Variants in SLC44A1 observed in about 807,000 individuals in gnomAD.
SLC44A1 encodes the protein choline transporter-like protein 1.
Under a neutral mutation model 79.3 loss-of-function variants are expected in SLC44A1, and 26 were observed. The observed-to-expected ratio is 0.33, with a 90% confidence interval of 0.24 to 0.46. SLC44A1 has a LOEUF of 0.46. SLC44A1 is among the 20% of genes least tolerant of loss of function. The pLI is 1.00. For synonymous variants in SLC44A1, 263 were observed against 286.2 expected (o/e 0.92, Z 0.82); for missense variants, 688 against 798.1 (o/e 0.86, Z 1.66).
rs1183313818 is a variant in SLC44A1, at chr9:105,356,219, A to C, written c.508A>C (p.Ile170Leu). 6.2e-7 allele frequency: 1 copy of C among 1,612,416 alleles called. No homozygotes were observed. The highest frequency in any genetic ancestry group is 8.5e-7 in the Non-Finnish European group (1 of 1,179,430). ...TTTTTCTTGTGTCACCAGTGCACCT[A>C]TTCCATTCTTCCATCGCTGTGCTCC... ...PKLPVPASAP[I>L]PFFHRCAPVN... Residue 170 changes from isoleucine (I) to leucine (L), a missense_variant, in exon 6 of 16, where the codon ATT becomes CTT. Physicochemically the swap from Ile to Leu is conservative, Grantham distance 5 (BLOSUM62 2). Transcript: ENST00000374720.
intron 6 of SLC44A1, 134 bp from the exon 7 acceptor site, chr9:105,358,210 C>T (rs1457762324): frequency 1.2e-5 from 7 of 578,584 alleles, no homozygotes; most frequent in Non-Finnish European, 2.1e-5. Context: ...CAGCTAGTTT[C>T]CTTCCTTATC....
intron 1 of SLC44A1, among the ~76,000 whole-genome samples, chr9:105,248,052 A>G (rs1829499774): frequency 6.6e-6 from 1 of 152,228 alleles, no homozygotes; most frequent in Admixed American, 6.5e-5. Context: ...TGGCTACAAC[A>G]TCTTAAAAGA....
intron 15 of SLC44A1, among the ~76,000 whole-genome samples, chr9:105,433,528 T>C (rs1388477961): frequency 6.6e-6 from 1 of 152,128 alleles, no homozygotes; most frequent in East Asian, 1.9e-4. Context: ...TTAAGACAGA[T>C]CTTAAGGGAG....
At position 105,350,169 on chromosome 9, in the gene SLC44A1, T is replaced by A. The variant is rs190423504; in HGVS notation, c.500+1718T>A. On this transcript the variant is annotated intron_variant, in intron 5 of 15. Transcript: ENST00000374720. ...GCTGTGTTTATGCTGTGTTTAAAGA[T>A]CCTTATGTTTTACTTATTTTAGTGC... Among the ~76,000 whole-genome samples, 42 of 152,322 alleles carry A rather than the reference T, an allele frequency of 2.8e-4. No homozygotes were observed. The East Asian group carries it at 7.3e-3, about 27-fold the overall frequency.
intron 1 of SLC44A1, among the ~76,000 whole-genome samples, chr9:105,283,091 A>T (rs1464714036): frequency 6.6e-6 from 1 of 152,046 alleles, no homozygotes; most frequent in African/African-American, 2.4e-5. Context: ...TGGACTTTGG[A>T]CCCAAATTGT....
chr9:105,368,200 T>C (rs745754949), intron 12 of SLC44A1, among the ~76,000 whole-genome samples: 82 of 103,818 alleles, frequency 7.9e-4, no homozygotes, highest in Non-Finnish European at 9.0e-4. Context: ...GATGTTGGTC[T>C]TTTTTTTTTT....
chr9:105,355,860 C>A (rs1456973958), intron 5 of SLC44A1: 12 of 195,666 alleles, frequency 6.1e-5, no homozygotes, highest in Admixed American at 1.2e-4. Flanking sequence ...GTCATCTGCC[C>A]CTTGACTGGT....
At chr9:105,434,467 G>A (rs545528728) in intron 15 of SLC44A1, among the ~76,000 whole-genome samples, 2 of 152,234 alleles carry the variant, frequency 1.3e-5, no homozygotes, top group Non-Finnish European at 2.9e-5. Flanking sequence ...AAGACTCTTA[G>A]AAAGTAGGGC....
intron 1 of SLC44A1, among the ~76,000 whole-genome samples, chr9:105,275,867 C>T (rs1299971803): frequency 2.0e-5 from 3 of 150,832 alleles, no homozygotes; most frequent in Non-Finnish European, 4.4e-5. Context: ...TGCAGTGGCG[C>T]GATCTCAGCT....
intron 13 of SLC44A1, among the ~76,000 whole-genome samples, chr9:105,376,847 A>G: frequency 6.6e-6 from 1 of 152,216 alleles, no homozygotes; most frequent in East Asian, 1.9e-4. Context: ...AAGGTGAGCT[A>G]CTAGTATTAT....
intron 1 of SLC44A1, among the ~76,000 whole-genome samples, chr9:105,245,952 A>C (rs772368138): frequency 1.3e-5 from 2 of 152,216 alleles, no homozygotes; most frequent in Non-Finnish European, 2.9e-5. Flanking sequence ...AATACTATAA[A>C]AAGCAATCAG....
intron 3 of SLC44A1, among the ~76,000 whole-genome samples, chr9:105,334,175 T>G (rs1826838022): frequency 6.6e-6 from 1 of 152,086 alleles, no homozygotes; most frequent in African/African-American, 2.4e-5. Context: ...GCTTTTTTTC[T>G]TTCCTTCTAT....
chr9:105,297,017 C>G (rs1830741087), intron 1 of SLC44A1, among the ~76,000 whole-genome samples: 1 of 152,148 alleles, frequency 6.6e-6, no homozygotes, highest in South Asian at 2.1e-4. Flanking sequence ...TCCTTCATCT[C>G]TTACGCCACA....
At chr9:105,437,431 A>G (rs998546938) in intron 15 of SLC44A1, among the ~76,000 whole-genome samples, 7 of 152,078 alleles carry the variant, frequency 4.6e-5, no homozygotes, top group African/African-American at 1.7e-4. Flanking sequence ...ATCTAGACAG[A>G]TTGATATAGA....
At chr9:105,422,281 CTTTT>C (rs554922812) in intron 15 of SLC44A1, among the ~76,000 whole-genome samples, 3 of 95,904 alleles carry the variant, frequency 3.1e-5, no homozygotes, top group Non-Finnish European at 5.9e-5. Flanking sequence ...CTGCTCCATC[CTTTT>C]TTTTTTTTTT....
intron 1 of SLC44A1, among the ~76,000 whole-genome samples, chr9:105,279,123 C>T (rs1027235116): frequency 1.5e-4 from 22 of 150,008 alleles, no homozygotes; most frequent in African/African-American, 4.2e-4. Context: ...AGGTATTCCC[C>T]GGGAGGCGGA....
rs1325526604 is a variant in SLC44A1 at position 105,309,876 on chromosome 9, C to T, written c.269+10C>T. On this transcript the variant is annotated intron_variant, in intron 3 of 15. Coordinates refer to ENST00000374720, the MANE Select transcript of SLC44A1 (RefSeq NM_080546.5). ...ACCACACCCAGCGGAAGTGAGTAGACTTGCTGAATGATGAACACATGGAAA... is the reference window on the plus strand; with the variant it reads ...ACCACACCCAGCGGAAGTGAGTAGATTTGCTGAATGATGAACACATGGAAA... 6.2e-7 allele frequency: 1 copy of T among 1,611,298 alleles called. No individual in the cohort carries two copies. The highest frequency in any genetic ancestry group is 8.5e-7 in the Non-Finnish European group (1 of 1,178,322).
At chr9:105,406,479 A>G (rs899831976) in intron 15 of SLC44A1, among the ~76,000 whole-genome samples, 1 of 152,188 alleles carries the variant, frequency 6.6e-6, no homozygotes, top group African/African-American at 2.4e-5. Context: ...GGTGGCTCAC[A>G]CCTATAATCT....
chr9:105,431,248 A>G (rs533145639), intron 15 of SLC44A1, among the ~76,000 whole-genome samples: 132 of 152,358 alleles, frequency 8.7e-4, no homozygotes, highest in African/African-American at 3.0e-3. Context: ...GAGTATATGT[A>G]GGTGTATATG....
Sources: allele counts gnomAD v4.1 joint callset (sites outside exome capture counted in the v4.1 genomes callset), GRCh38; gene constraint gnomAD v4.1.1; transcripts MANE v1.5; gene names NCBI Gene and HGNC (gene_info 2026-07-23, HGNC 2026-07-21).